The following LRRTM3 variants were observed in gnomAD, a reference collection of about 807,000 sequenced individuals.
The protein encoded by LRRTM3 is leucine rich repeat transmembrane neuronal 3, also known as leucine-rich repeat transmembrane neuronal protein 3.
In LRRTM3, 24 loss-of-function variants were observed where a neutral mutation model predicts 44.7. The observed-to-expected ratio is 0.54, with a 90% confidence interval of 0.39 to 0.76. LRRTM3 has a LOEUF of 0.76. LRRTM3 is among the 30% of genes least tolerant of loss of function. The pLI is 0.00. For synonymous variants in LRRTM3, 277 were observed against 278.7 expected, an observed-to-expected ratio of 0.99 and a Z score of 0.06; for missense variants, 587 against 702.2, an observed-to-expected ratio of 0.84 and a Z score of 1.85.
rs10082383 is a variant in LRRTM3 at position 66,944,444 on chromosome 10, T to C, written c.1536+15992T>C. Reference sequence around the variant, plus strand: ...TTCAGTTACTTCCTCCACTGAAGTCTTGAACCTCTCAAAGTCATCCATGAG... The same window carrying C: ...TTCAGTTACTTCCTCCACTGAAGTCCTGAACCTCTCAAAGTCATCCATGAG... On this transcript the variant is annotated intron_variant, in intron 2 of 2. Transcript: ENST00000361320. Among the ~76,000 whole-genome samples the C allele has an allele frequency of 7.5e-3, 1,144 of 152,284 alleles. 16 individuals carry two copies. The highest frequency in any genetic ancestry group is 0.026 in the African/African-American group (1,091 of 41,560).
chr10:66,947,531 ACT>A (rs1266341635), intron 2 of LRRTM3, among the ~76,000 whole-genome samples: 6 of 151,972 alleles, frequency 3.9e-5, no homozygotes, highest in Non-Finnish European at 8.8e-5. Context: ...ACCCTCTCTC[ACT>A]CTGTCTCCCT....
chr10:66,926,992 A>C lies in LRRTM3; in HGVS notation c.76A>C (p.Met26Leu). The C allele has an allele frequency of 6.2e-7, 1 of 1,614,174 alleles. No individual in the cohort carries two copies. The highest frequency in any genetic ancestry group is 8.5e-7 in the Non-Finnish European group (1 of 1,180,038). Residue 26 changes from methionine (M) to leucine (L), a missense_variant, in exon 2 of 3, where the codon ATG becomes CTG. Around this residue, in one of 3 missense-constraint regions of LRRTM3, gnomAD observed 50 missense variants for 43.4 expected, o/e 1.15. Transcript: ENST00000361320. ...TATAGCCCCCACTGTCTTACTGACA[A>C]TGCTTTCTTCTGCCGAACGAGGATG... ...LVIAPTVLLT[M>L]LSSAERGCPK...
intron 2 of LRRTM3, among the ~76,000 whole-genome samples, chr10:67,060,570 T>C (rs568632265): frequency 1.3e-5 from 2 of 152,344 alleles, no homozygotes; most frequent in Admixed American, 6.5e-5. Context: ...TTCTAGTTCA[T>C]GGGCACTAGT....
At chr10:66,939,800 C>T (rs372103937) in intron 2 of LRRTM3, among the ~76,000 whole-genome samples, 1 of 152,094 alleles carries the variant, frequency 6.6e-6, no homozygotes, top group Admixed American at 6.5e-5. Flanking sequence ...GTTATAAGGA[C>T]TTTTGAGAAC....
intron 2 of LRRTM3, among the ~76,000 whole-genome samples, chr10:67,089,533 C>A (rs1857503401): frequency 6.6e-6 from 1 of 151,954 alleles, no homozygotes; most frequent in Admixed American, 6.6e-5. Flanking sequence ...TATATTATCT[C>A]TGTGGGGGAG....
At chr10:66,953,648 G>T (rs539988532) in intron 2 of LRRTM3, among the ~76,000 whole-genome samples, 2 of 152,154 alleles carry the variant, frequency 1.3e-5, no homozygotes, top group East Asian at 3.9e-4. Context: ...ATATTGCTTA[G>T]AGAATTTCAT....
At chr10:66,998,287 ACTGTT>A (rs1407750394) in intron 2 of LRRTM3, among the ~76,000 whole-genome samples, 1 of 152,194 alleles carries the variant, frequency 6.6e-6, no homozygotes, top group Non-Finnish European at 1.5e-5. Context: ...CTTAGCATAC[ACTGTT>A]GTTTTAGTAC....
intron 2 of LRRTM3, among the ~76,000 whole-genome samples, chr10:67,083,810 A>T (rs554103982): frequency 2.1e-3 from 315 of 152,304 alleles, no homozygotes; most frequent in African/African-American, 7.0e-3. Flanking sequence ...TTCCCATTAC[A>T]TACTTTTTAA....
At chr10:67,004,461 C>CA (rs1851861125) in intron 2 of LRRTM3, among the ~76,000 whole-genome samples, 1 of 152,056 alleles carries the variant, frequency 6.6e-6, no homozygotes, top group Non-Finnish European at 1.5e-5. Context: ...TCTGATACTT[C>CA]ATCTCTGTTA....
intron 2 of LRRTM3, among the ~76,000 whole-genome samples, chr10:67,080,306 T>C (rs1485062497): frequency 6.6e-6 from 1 of 152,152 alleles, no homozygotes; most frequent in Admixed American, 6.5e-5. Flanking sequence ...TATCAGCAGG[T>C]TAATTTCTAC....
intron 2 of LRRTM3, among the ~76,000 whole-genome samples, chr10:67,058,570 A>G (rs1184874074): frequency 6.6e-6 from 1 of 152,126 alleles, no homozygotes; most frequent in Non-Finnish European, 1.5e-5. Flanking sequence ...CCCTCCTCAC[A>G]AGGTATCATT....
Position 66,926,359 on chromosome 10 carries a change from G to T in LRRTM3, c.-225G>T. On this transcript the variant is annotated 5_prime_UTR_variant, in exon 1 of 3. The change abolishes an upstream ATG in the 5' untranslated region. Coordinates refer to ENST00000361320, the MANE Select transcript of LRRTM3 (RefSeq NM_178011.5). ...TCCTATTACCTAGGAAGATTTTGATGTTTTGCTGCGAATGCGGTGTTGGGA... is the reference window on the plus strand; with the variant it reads ...TCCTATTACCTAGGAAGATTTTGATTTTTTGCTGCGAATGCGGTGTTGGGA... 1.6e-6 allele frequency: 1 copy of T among 617,250 alleles called. No homozygotes were observed. The allele number at this position is 617,250 out of a possible 1,614,324, so 38.2% of individuals were successfully genotyped here. A position where few individuals can be genotyped will look rare whatever the true frequency, so the allele number is the denominator to read the frequency against.
intron 2 of LRRTM3, among the ~76,000 whole-genome samples, chr10:66,932,944 C>T (rs1392537949): frequency 6.6e-6 from 1 of 152,178 alleles, no homozygotes; most frequent in Non-Finnish European, 1.5e-5. Flanking sequence ...TTGACACTTG[C>T]TAATCAAGTC....
At chr10:66,944,701 A>G (rs1802555658) in intron 2 of LRRTM3, among the ~76,000 whole-genome samples, 1 of 152,198 alleles carries the variant, frequency 6.6e-6, no homozygotes, top group African/African-American at 2.4e-5. Context: ...CCAAGACAGC[A>G]AGAGACTTAT....
intron 2 of LRRTM3, among the ~76,000 whole-genome samples, chr10:67,092,195 T>C (rs1857684991): frequency 6.6e-6 from 1 of 152,096 alleles, no homozygotes; most frequent in East Asian, 1.9e-4. Context: ...TATCATCTTT[T>C]CAACAACCTA....
intron 2 of LRRTM3, among the ~76,000 whole-genome samples, chr10:67,027,465 C>T (rs559414696): frequency 2.8e-5 from 4 of 141,178 alleles, no homozygotes; most frequent in East Asian, 2.0e-4. Context: ...TACACAGTCT[C>T]GCTCTGTCAC....
intron 2 of LRRTM3, among the ~76,000 whole-genome samples, chr10:67,086,442 T>G (rs1016121981): frequency 5.3e-5 from 8 of 152,046 alleles, no homozygotes; most frequent in African/African-American, 1.4e-4. Context: ...TATCAGTAAG[T>G]AATCATATCA....
At chr10:66,943,390 T>G (rs1448965578) in intron 2 of LRRTM3, among the ~76,000 whole-genome samples, 1 of 152,192 alleles carries the variant, frequency 6.6e-6, no homozygotes, top group Non-Finnish European at 1.5e-5. Flanking sequence ...AATTAGAAAC[T>G]GACTATACCA....
At position 66,927,446 on chromosome 10, in the gene LRRTM3, T is replaced by A; in HGVS notation, c.530T>A (p.Phe177Tyr). The A allele has an allele frequency of 6.2e-7, 1 of 1,614,132 alleles. No homozygotes were observed. Among genetic ancestry groups the A allele is most frequent in the Non-Finnish European group, 8.5e-7 (1 of 1,180,030 alleles). Residue 177 changes from phenylalanine to tyrosine, a missense_variant, in exon 2 of 3, where the codon TTC becomes TAC. Physicochemically the swap from Phe to Tyr is conservative, Grantham distance 22. This residue lies in a region of LRRTM3 where 222 missense variants were observed against 323.3 expected (regional missense o/e 0.69). Transcript: ENST00000361320. The surrounding 1 kb of genome is among the most constrained non-coding windows in gnomAD (Gnocchi z 4.7). ...CTGAGAACCATCCCTGTGCGAATAT[T>A]CCAAGACTGCCGCAACCTGGAACTT... is the stretch of plus-strand genomic sequence containing the variant. ...NSLRTIPVRI[F>Y]QDCRNLELLD...
Sources: gnomAD v4.1 joint callset for allele counts (sites outside exome capture counted in the v4.1 genomes callset) on GRCh38, gnomAD v4.1.1 for gene constraint, gnomAD v4.1.1 regional missense constraint, Gnocchi (gnomAD v3.1) non-coding constraint, MANE v1.5 for transcripts, NCBI Gene and HGNC (gene_info 2026-07-23, HGNC 2026-07-21) for gene names.